Variants in INSR observed in about 807,000 individuals in gnomAD.
INSR encodes the protein IR.
INSR carries 67 observed loss-of-function variants against 142.6 expected under a neutral mutation model. That is an observed-to-expected ratio of 0.47 (90% CI 0.39 to 0.58). The LOEUF (loss-of-function observed/expected upper bound fraction) is 0.58, where lower values mean the gene tolerates loss of function less well. Ranked by LOEUF, INSR falls within the 20% of genes least tolerant of loss-of-function variation. The probability of loss-of-function intolerance (pLI) is 0.00; values close to 1 mark genes in which losing one functional copy is unlikely to be tolerated. For missense variants in INSR, 1,248 were observed against 1,833.2 expected (o/e 0.68, Z 5.83); for synonymous variants, 756 against 743.1 (o/e 1.02, Z -0.28).
chr19:7,268,273 CG>C, intron 1 of INSR: 1 of 203,974 alleles, frequency 4.9e-6, no homozygotes, highest in Admixed American at 6.6e-5. Flanking sequence ...AGATAATTTA[CG>C]GGGATAAAGG....
chr19:7,140,031 T>C (rs1393483341), intron 13 of INSR, among the ~76,000 whole-genome samples: 2 of 152,208 alleles, frequency 1.3e-5, no homozygotes, highest in African/African-American at 4.8e-5. Context: ...TTTCGCCATG[T>C]TGGCCAGGCT....
In INSR at chr19:7,144,306, A is replaced by C. The variant is rs74178500; in HGVS notation, c.2268-1216T>G. Among the ~76,000 whole-genome samples the C allele has an allele frequency of 8.9e-3, 1,359 of 152,282 alleles. 14 individuals carry two copies. The highest frequency in any genetic ancestry group is 0.034 in the Middle Eastern group (10 of 294). ...AGGGTTTTCCTCCATCATCTACAAA[A>C]GTAGCATGTGTTCCCTGCAGAAAAC... On this transcript the variant is annotated intron_variant, in intron 11 of 21. Coordinates refer to ENST00000302850, the MANE Select transcript of INSR (RefSeq NM_000208.4).
intron 3 of INSR, among the ~76,000 whole-genome samples, chr19:7,182,908 C>CAAA (rs386388474): frequency 0.032 from 2,582 of 81,072 alleles, 50 homozygotes; most frequent in Non-Finnish European, 0.042. Context: ...ATACACTGGC[C>CAAA]AAAAAAAAAA....
intron 5 of INSR, among the ~76,000 whole-genome samples, chr19:7,172,027 T>G (rs1974026459): frequency 2.0e-5 from 3 of 151,686 alleles, no homozygotes; most frequent in Non-Finnish European, 2.9e-5. Flanking sequence ...TTCTCCTGCC[T>G]CAGCCTCCCA....
rs915512625 is a variant in INSR, at chr19:7,150,628, G to A, written c.2232-96C>T. ...TTGGAGGCCACATGTGTCCGAGTAA[G>A]GGCACCCTGGCTTTGACCCTGGACC... On this transcript the variant is annotated intron_variant, in intron 10 of 21. Coordinates refer to ENST00000302850, the MANE Select transcript of INSR (RefSeq NM_000208.4). This position sits in a 1 kb window ranked among gnomAD's most constrained non-coding sequence, Gnocchi z 4.2. 11 of 1,200,354 alleles carry A rather than the reference G, an allele frequency of 9.2e-6. No homozygotes were observed. Among genetic ancestry groups the A allele is most frequent in the Non-Finnish European group, 1.4e-5 (11 of 811,912 alleles). 74.4% of individuals were successfully genotyped at this position (1,200,354 alleles called of 1,614,324 possible).
In INSR at chr19:7,290,937, G is replaced by A. The variant is rs115751775; in HGVS notation, c.100+2855C>T. ...ATACAAAAAATAAGCCGGTGTTGTG[G>A]AACACGCCTGTAATCCCAGCTACTG... On this transcript the variant is annotated intron_variant, in intron 1 of 21. Coordinates refer to ENST00000302850, the MANE Select transcript of INSR (RefSeq NM_000208.4). 7.4e-3 allele frequency among the ~76,000 whole-genome samples: 1,118 copies of A among 151,334 alleles called. 12 individuals are homozygous for A. The highest frequency in any genetic ancestry group is 0.024 in the African/African-American group (1,004 of 41,222).
chr19:7,258,219 G>A (rs763297081), intron 2 of INSR, among the ~76,000 whole-genome samples: 3 of 152,114 alleles, frequency 2.0e-5, no homozygotes, highest in South Asian at 2.1e-4. Flanking sequence ...AGGATTGCTT[G>A]AACCCAATTG....
intron 9 of INSR, among the ~76,000 whole-genome samples, chr19:7,162,615 G>GT (rs1013461887): frequency 2.6e-5 from 4 of 151,846 alleles, no homozygotes; most frequent in African/African-American, 9.7e-5. Flanking sequence ...GAGGTCGGGA[G>GT]TTTGAGACCA....
chr19:7,201,764 G>A (rs1478547987), intron 2 of INSR, among the ~76,000 whole-genome samples: 10 of 142,010 alleles, frequency 7.0e-5, no homozygotes, highest in African/African-American at 1.9e-4. Flanking sequence ...CCGGGTTCAC[G>A]CCATTCCCCT....
Position 7,122,658 on chromosome 19 carries a change from G to A in INSR, c.3485C>T (p.Ala1162Val), listed in dbSNP as rs121913154. 1.2e-6 allele frequency: 2 copies of A among 1,614,144 alleles called. No individual in the cohort carries two copies. The highest frequency in any genetic ancestry group is 1.7e-6 in the Non-Finnish European group (2 of 1,180,030). Residue 1162 changes from alanine (A) to valine (V), a missense_variant, in exon 19 of 22, where the codon GCG becomes GTG. This residue lies in a region of INSR where 1,069 missense variants were observed against 1,654.0 expected (regional missense o/e 0.65). Transcript: ENST00000302850. ...ATCATGGGCGACCATGCAGTTTCTC[G>A]CTGCCAGGTCCCGATGCACAAACTT... ...AKKFVHRDLA[A>V]RNCMVAHDFT...
At chr19:7,248,155 T>C (rs959896129) in intron 2 of INSR, among the ~76,000 whole-genome samples, 19 of 150,988 alleles carry the variant, frequency 1.3e-4, no homozygotes, top group African/African-American at 4.1e-4. Flanking sequence ...TTTTATTTTT[T>C]TATTTTTGGA....
chr19:7,130,244 T>A (rs1972743105), intron 14 of INSR, among the ~76,000 whole-genome samples: 1 of 152,206 alleles, frequency 6.6e-6, no homozygotes, highest in Non-Finnish European at 1.5e-5. Flanking sequence ...AATGAGATCA[T>A]GTTCTTTGCA....
chr19:7,113,669 A>G lies in INSR; in HGVS notation c.*3387T>C, dbSNP rs1972255912. 6.6e-6 allele frequency: 1 copy of G among 152,180 alleles called. No homozygotes were observed. Among genetic ancestry groups the G allele is most frequent in the Non-Finnish European group, 1.5e-5 (1 of 68,028 alleles). 9.4% of individuals were successfully genotyped at this position (152,180 alleles called of 1,614,324 possible). ...GTTGCTTTTTGTTGTTGTTGTTGCA[A>G]CTTAACACTACAAACTCCCAGGACA... is the stretch of plus-strand genomic sequence containing the variant. On this transcript the variant is annotated 3_prime_UTR_variant, in exon 22 of 22. Transcript: ENST00000302850.
At chr19:7,173,463 C>T (rs1046540211) in intron 4 of INSR, among the ~76,000 whole-genome samples, 3 of 151,558 alleles carry the variant, frequency 2.0e-5, no homozygotes, top group African/African-American at 7.3e-5. Context: ...GGACTACAGG[C>T]ATGTGCCACC....
At chr19:7,147,495 C>T (rs887017315) in intron 11 of INSR, among the ~76,000 whole-genome samples, 6 of 152,192 alleles carry the variant, frequency 3.9e-5, no homozygotes, top group African/African-American at 9.6e-5. Flanking sequence ...TAACTTTTAA[C>T]CACCAAGAAG....
chr19:7,125,998 T>G lies in INSR; in HGVS notation c.3014-471A>C, dbSNP rs1435018925. On this transcript the variant is annotated intron_variant, in intron 16 of 21. Transcript: ENST00000302850. This position sits in a 1 kb window ranked among gnomAD's most constrained non-coding sequence, Gnocchi z 4.9. ...CCTGGGCATGGCCTTGTGAGTTATT[T>G]TGGTCAATGGGAATCAACAAGAATT... 6.6e-6 allele frequency among the ~76,000 whole-genome samples: 1 copy of G among 152,290 alleles called. No individual in the cohort carries two copies. Among genetic ancestry groups the G allele is most frequent in the East Asian group, 1.9e-4 (1 of 5,172 alleles).
chr19:7,158,325 C>T (rs1406624227), intron 9 of INSR, among the ~76,000 whole-genome samples: 2 of 151,730 alleles, frequency 1.3e-5, no homozygotes, highest in Non-Finnish European at 1.5e-5. Flanking sequence ...ATGGTGAAAC[C>T]CCGTCTCTAC....
chr19:7,202,776 C>T (rs1421659631), intron 2 of INSR, among the ~76,000 whole-genome samples: 2 of 152,232 alleles, frequency 1.3e-5, no homozygotes. Flanking sequence ...GCTGGGATTA[C>T]AGGCGTGAGC....
Position 7,267,339 on chromosome 19 carries a change from G to A in INSR, c.652+6C>T, listed in dbSNP as rs766622886. 1 of 1,613,820 alleles carries A rather than the reference G, an allele frequency of 6.2e-7. No individual in the cohort carries two copies. The highest frequency in any genetic ancestry group is 1.1e-5 in the South Asian group (1 of 91,064). On this transcript the variant is annotated splice_donor_region_variant and intron_variant, in intron 2 of 21. Transcript: ENST00000302850. The surrounding 1 kb of genome is among the most constrained non-coding windows in gnomAD (Gnocchi z 6.3). ...CACTGCTTAGAACCCTGTATCCCCG[G>A]CGTACCTTTCTGGCAGTGACTATGA...
Sources: allele counts gnomAD v4.1 joint callset (sites outside exome capture counted in the v4.1 genomes callset), GRCh38; gene constraint gnomAD v4.1.1; regional missense constraint gnomAD v4.1.1; non-coding constraint Gnocchi (gnomAD v3.1); transcripts MANE v1.5; gene names NCBI Gene and HGNC (gene_info 2026-07-23, HGNC 2026-07-21).